Variants in IRAK2 observed in about 807,000 individuals in gnomAD.
IRAK2 encodes the protein interleukin-1 receptor-associated kinase-like 2.
In IRAK2, 57 loss-of-function variants were observed where a neutral mutation model predicts 72.0. The observed-to-expected ratio is 0.79, with a 90% confidence interval of 0.64 to 0.99. The LOEUF (loss-of-function observed/expected upper bound fraction) is 0.99. Ranked by LOEUF, IRAK2 falls within the 50% of genes least tolerant of loss-of-function variation. The probability of loss-of-function intolerance (pLI) is 0.00; values close to 1 mark genes in which losing one functional copy is unlikely to be tolerated. For synonymous variants in IRAK2, 293 were observed against 312.7 expected (o/e 0.94, Z 0.67); for missense variants, 790 against 794.4 (o/e 0.99, Z 0.07).
At chr3:10,201,685 C>T (rs1332011380) in intron 3 of IRAK2, among the ~76,000 whole-genome samples, 1 of 152,200 alleles carries the variant, frequency 6.6e-6, no homozygotes, top group Non-Finnish European at 1.5e-5. Context: ...CAGCAGATGA[C>T]CTCCCTAGGG....
chr3:10,225,305 G>T (rs141513595), intron 9 of IRAK2, among the ~76,000 whole-genome samples: 1 of 152,290 alleles, frequency 6.6e-6, no homozygotes, highest in East Asian at 1.9e-4. Context: ...CCATTTAACA[G>T]ATGAGGACAC....
At chr3:10,236,405 T>A (rs1226274286) in intron 11 of IRAK2, among the ~76,000 whole-genome samples, 1 of 145,888 alleles carries the variant, frequency 6.9e-6, no homozygotes, top group African/African-American at 2.5e-5. Flanking sequence ...TACAGTGTAG[T>A]GGTGCAATCT....
chr3:10,206,059 A>G (rs1697428980), intron 3 of IRAK2, among the ~76,000 whole-genome samples: 1 of 152,178 alleles, frequency 6.6e-6, no homozygotes, highest in South Asian at 2.1e-4. Flanking sequence ...CATCAACAAG[A>G]TAGGATTTCA....
At chr3:10,186,642 T>C (rs950705809) in intron 2 of IRAK2, among the ~76,000 whole-genome samples, 8 of 151,730 alleles carry the variant, frequency 5.3e-5, no homozygotes, top group African/African-American at 1.7e-4. Context: ...CTCAGAAAGG[T>C]GGAGCAGAGA....
At chr3:10,219,629 T>C in intron 7 of IRAK2, 51 bp from the exon 8 acceptor site, 1 of 1,441,878 alleles carries the variant, frequency 6.9e-7, no homozygotes. Context: ...CCATCAGGAC[T>C]TTAAAAAGGT....
rs765884315 is a variant in IRAK2 at position 10,209,625 on chromosome 3, T to G, written c.461T>G (p.Leu154Arg). 1 of 1,570,498 alleles carries G rather than the reference T, an allele frequency of 6.4e-7. No individual in the cohort carries two copies. Among genetic ancestry groups the G allele is most frequent in the East Asian group, 2.5e-5 (1 of 40,568 alleles). ...SPARAHQPAFLQPPEEDAPHS... is the reference protein window; with the variant it reads ...SPARAHQPAFRQPPEEDAPHS... Reference sequence around the variant, plus strand: ...GCCAGAGCCCACCAGCCGGCCTTTCTCCAGCCTCCTGAAGAAGATGCCCCT... The same window carrying G: ...GCCAGAGCCCACCAGCCGGCCTTTCGCCAGCCTCCTGAAGAAGATGCCCCT... Residue 154 changes from leucine (L) to arginine (R), a missense_variant, in exon 4 of 13, where the codon CTC (leucine) becomes CGC (arginine). Leu to Arg is a moderately radical substitution (Grantham distance 102). Transcript: ENST00000256458.
At chr3:10,212,921 C>T (rs762893254) in intron 4 of IRAK2, among the ~76,000 whole-genome samples, 6 of 152,016 alleles carry the variant, frequency 3.9e-5, no homozygotes, top group Non-Finnish European at 7.4e-5. Context: ...CCCGCCACCA[C>T]GCCTGGATAA....
At chr3:10,201,122 T>C (rs1349870651) in intron 3 of IRAK2, among the ~76,000 whole-genome samples, 1 of 152,252 alleles carries the variant, frequency 6.6e-6, no homozygotes, top group African/African-American at 2.4e-5. Context: ...AATTGGAGGC[T>C]TTCTAGTGCC....
intron 2 of IRAK2, among the ~76,000 whole-genome samples, chr3:10,187,056 C>T (rs1196553460): frequency 6.7e-6 from 1 of 150,366 alleles, no homozygotes; most frequent in Non-Finnish European, 1.5e-5. Context: ...ATCTGAAGTG[C>T]ATTTCTTTTG....
chr3:10,230,361 G>A (rs1013387239), intron 10 of IRAK2, among the ~76,000 whole-genome samples: 2 of 151,036 alleles, frequency 1.3e-5, no homozygotes, highest in African/African-American at 2.4e-5. Context: ...TCTTTGTCAC[G>A]AAGGCTGGAG....
intron 3 of IRAK2, 22 bp from the exon 4 acceptor site, chr3:10,209,567 A>C (rs781019038): frequency 6.7e-7 from 1 of 1,492,820 alleles, no homozygotes; most frequent in South Asian, 1.3e-5. Flanking sequence ...CTGCATCCTG[A>C]CCCATAGTCC....
chr3:10,167,475 C>G (rs564803637), intron 1 of IRAK2, among the ~76,000 whole-genome samples: 1 of 151,050 alleles, frequency 6.6e-6, no homozygotes. Flanking sequence ...AGTGCAGTGG[C>G]GCAATCTCGG....
chr3:10,222,982 G>A, intron 9 of IRAK2, 151 bp downstream of exon 9: 1 of 661,320 alleles, frequency 1.5e-6, no homozygotes. Context: ...AGGCCACTTT[G>A]GCCTGTGGCG....
At chr3:10,224,528 T>A (rs1453169444) in intron 9 of IRAK2, among the ~76,000 whole-genome samples, 1 of 144,692 alleles carries the variant, frequency 6.9e-6, no homozygotes, top group Non-Finnish European at 1.5e-5. Flanking sequence ...CATGGCACCC[T>A]GCACCCTGCA....
At chr3:10,220,688 G>T (rs1440604011) in intron 8 of IRAK2, among the ~76,000 whole-genome samples, 1 of 152,022 alleles carries the variant, frequency 6.6e-6, no homozygotes, top group Non-Finnish European at 1.5e-5. Context: ...TGATCCACCC[G>T]CCTTGGTCTC....
Position 10,179,275 on chromosome 3 carries a change from G to GTTT in IRAK2, c.277+1267_277+1269dup, listed in dbSNP as rs58462207. Among the ~76,000 whole-genome samples the GTTT allele has an allele frequency of 1.4e-3, 186 of 136,662 alleles. 4 individuals carry two copies. Among genetic ancestry groups the GTTT allele is most frequent in the South Asian group, 4.7e-3 (20 of 4,262 alleles). 89.7% of individuals were successfully genotyped at this position (136,662 alleles called of 152,430 possible). A position where few individuals can be genotyped will look rare whatever the true frequency, so the allele number is the denominator to read the frequency against. On this transcript the variant is annotated intron_variant, in intron 2 of 12. Transcript: ENST00000256458. ...ATGTTCCTTCTAGCATTTTTCAGTT[G>GTTT]TTTTTTTTTTTTTTGAGATGAAGTT... is the stretch of plus-strand genomic sequence containing the variant.
chr3:10,217,857 C>A (rs1267370680), intron 7 of IRAK2, among the ~76,000 whole-genome samples: 1 of 152,296 alleles, frequency 6.6e-6, no homozygotes, highest in East Asian at 1.9e-4. Context: ...TGGGCACTCA[C>A]TGTATGCAGG....
intron 2 of IRAK2, among the ~76,000 whole-genome samples, chr3:10,191,212 T>A (rs1575964103): frequency 6.6e-6 from 1 of 152,052 alleles, no homozygotes; most frequent in East Asian, 1.9e-4. Context: ...GGAGAATTGC[T>A]TGAACCCGGG....
intron 3 of IRAK2, among the ~76,000 whole-genome samples, chr3:10,204,948 C>A (rs1015056506): frequency 1.3e-5 from 2 of 152,100 alleles, no homozygotes; most frequent in African/African-American, 4.8e-5. Flanking sequence ...CAACAAGTAT[C>A]CCATCTTGTT....
Sources: gnomAD v4.1 joint callset for allele counts (sites outside exome capture counted in the v4.1 genomes callset) on GRCh38, gnomAD v4.1.1 for gene constraint, MANE v1.5 for transcripts, NCBI Gene and HGNC (gene_info 2026-07-23, HGNC 2026-07-21) for gene names.